Variants in TYW1B observed in about 807,000 individuals in gnomAD.
TYW1B encodes tRNA-yW synthesizing protein 1 homolog B.
Under a neutral mutation model 86.9 loss-of-function variants are expected in TYW1B, and 73 were observed. The ratio of observed to expected loss-of-function variants is 0.84; its 90% CI spans 0.70 to 1.02. TYW1B has a LOEUF of 1.02. Ranked by LOEUF, TYW1B falls within the 50% of genes least tolerant of loss-of-function variation. The probability of loss-of-function intolerance (pLI) is 0.00; values close to 1 mark genes in which losing one functional copy is unlikely to be tolerated. For synonymous variants in TYW1B, 248 were observed against 292.8 expected (o/e 0.85, Z 1.56); for missense variants, 637 against 827.4 (o/e 0.77, Z 2.82).
chr7:72,586,474 C>T lies in TYW1B; in HGVS notation c.1786-10755G>A, dbSNP rs183344645. ...TGTGGGGGCTGGGTTTGGTGGCTCA[C>T]GCCTGTAATCCCAGCACTTTGGGCA... On this transcript the variant is annotated intron_variant, in intron 13 of 13. Transcript: ENST00000620995. Among the ~76,000 whole-genome samples, 25 of 152,236 alleles carry T rather than the reference C, an allele frequency of 1.6e-4. No individual in the cohort carries two copies. The East Asian group carries it at 3.7e-3, about 22-fold the overall frequency.
chr7:72,591,196 A>G (rs1373968711), intron 13 of TYW1B, among the ~76,000 whole-genome samples: 19 of 152,088 alleles, frequency 1.2e-4, no homozygotes, highest in African/African-American at 4.6e-4. Flanking sequence ...TTAAGGGACC[A>G]TGAACACCAT....
intron 9 of TYW1B, among the ~76,000 whole-genome samples, chr7:72,727,591 C>T (rs572213889): frequency 3.3e-5 from 5 of 151,992 alleles, no homozygotes; most frequent in Admixed American, 1.3e-4. Flanking sequence ...CCAAAGCAGG[C>T]GGATGGCTTG....
Position 72,673,847 on chromosome 7 carries a change from A to T in TYW1B, c.1506+20840T>A, listed in dbSNP as rs149953406. 4.6e-3 allele frequency among the ~76,000 whole-genome samples: 697 copies of T among 152,336 alleles called. 7 individuals are homozygous for T. The highest frequency in any genetic ancestry group is 8.4e-3 in the Non-Finnish European group (569 of 68,032). ...TTATTACATATTATATGCCTGTATC[A>T]AAGTATCTCAGGTACCTTATAAATA... On this transcript the variant is annotated intron_variant, in intron 11 of 13. Coordinates refer to ENST00000620995, the MANE Select transcript of TYW1B (RefSeq NM_001145440.3).
intron 11 of TYW1B, among the ~76,000 whole-genome samples, chr7:72,685,246 T>TAA (rs1314929840): frequency 6.8e-6 from 1 of 148,042 alleles, no homozygotes; most frequent in Non-Finnish European, 1.5e-5. Flanking sequence ...GGGAAAACAC[T>TAA]AAAAAAAAAC....
At chr7:72,740,296 A>G (rs1554461849) in intron 8 of TYW1B, among the ~76,000 whole-genome samples, 1 of 151,874 alleles carries the variant, frequency 6.6e-6, no homozygotes, top group Non-Finnish European at 1.5e-5. Flanking sequence ...GCTACTCAGG[A>G]GGCTGAGGCA....
intron 7 of TYW1B, among the ~76,000 whole-genome samples, chr7:72,771,088 G>A (rs1273694066): frequency 2.7e-5 from 4 of 150,262 alleles, no homozygotes; most frequent in Non-Finnish European, 4.4e-5. Flanking sequence ...TCAGCCTCTC[G>A]AATAGCTGGG....
intron 13 of TYW1B, among the ~76,000 whole-genome samples, chr7:72,603,676 T>C (rs1402277354): frequency 9.9e-5 from 15 of 152,156 alleles, no homozygotes. Flanking sequence ...GAGGTCAGCA[T>C]TGTTAGTCAT....
At chr7:72,670,430 A>T (rs1360090147) in intron 11 of TYW1B, among the ~76,000 whole-genome samples, 3 of 152,158 alleles carry the variant, frequency 2.0e-5, no homozygotes, top group Non-Finnish European at 4.4e-5. Context: ...AACTCAAGTG[A>T]TCCACCCGCC....
intron 11 of TYW1B, among the ~76,000 whole-genome samples, chr7:72,639,791 A>G (rs1812760169): frequency 6.6e-6 from 1 of 151,682 alleles, no homozygotes; most frequent in African/African-American, 2.4e-5. Flanking sequence ...ACTTGAACTC[A>G]GGAGGCAGAG....
chr7:72,820,623 G>C (rs2129572915), intron 2 of TYW1B, among the ~76,000 whole-genome samples: 1 of 152,138 alleles, frequency 6.6e-6, no homozygotes, highest in East Asian at 1.9e-4. Flanking sequence ...AAACAAGAGT[G>C]CAGGAGAGGT....
chr7:72,684,973 G>A (rs1813971910), intron 11 of TYW1B, among the ~76,000 whole-genome samples: 1 of 152,036 alleles, frequency 6.6e-6, no homozygotes, highest in Non-Finnish European at 1.5e-5. Context: ...TTAGCCAAGT[G>A]TAATGGCGAG....
At chr7:72,644,826 CTTTTTTTT>C (rs371295909) in intron 11 of TYW1B, among the ~76,000 whole-genome samples, 1 of 119,628 alleles carries the variant, frequency 8.4e-6, no homozygotes, top group African/African-American at 3.3e-5. Context: ...CATGACTTTC[CTTTTTTTT>C]TTTTTTTTTT....
Position 72,700,206 on chromosome 7 carries a change from G to T in TYW1B, c.1371-5384C>A, listed in dbSNP as rs62466862. Among the ~76,000 whole-genome samples, 781 of 105,836 alleles carry T rather than the reference G, an allele frequency of 7.4e-3. 2 individuals carry two copies. The highest frequency in any genetic ancestry group is 9.2e-3 in the Non-Finnish European group (544 of 58,896). 69.4% of individuals were successfully genotyped at this position (105,836 alleles called of 152,430 possible). ...TTTTTTTTTTGTGAGACAGAGTCTC[G>T]CTCTGTCACCCAGGCTGGAGTGCAA... On this transcript the variant is annotated intron_variant, in intron 10 of 13. Transcript: ENST00000620995.
chr7:72,731,010 A>G (rs555578210), intron 8 of TYW1B, among the ~76,000 whole-genome samples: 6 of 151,470 alleles, frequency 4.0e-5, no homozygotes, highest in Admixed American at 3.3e-4. Context: ...TTCTAAAAAC[A>G]GCAATTGAAA....
Position 72,694,753 on chromosome 7 carries a change from G to A in TYW1B, c.1440C>T (p.Ile480=), listed in dbSNP as rs782150621. Residue 480 remains isoleucine, a synonymous_variant, in exon 11 of 14, where the codon ATC becomes ATT. Transcript: ENST00000620995. ...AGAAATCCTTGAAGAGTGGGCGGTCGATTTTCTTCAGGCTGTCTTTGGTAC... is the reference window on the plus strand; with the variant it reads ...AGAAATCCTTGAAGAGTGGGCGGTCAATTTTCTTCAGGCTGTCTTTGGTAC... ...DASTKDSLKK[I]DRPLFKDFWQ... 2.2e-5 allele frequency: 36 copies of A among 1,613,686 alleles called. No homozygotes were observed. The highest frequency in any genetic ancestry group is 2.9e-5 in the Non-Finnish European group (34 of 1,179,948).
chr7:72,815,343 T>G (rs1554479197), intron 3 of TYW1B, 37 bp downstream of exon 3: 1 of 1,538,032 alleles, frequency 6.5e-7, no homozygotes, highest in East Asian at 2.3e-5. Flanking sequence ...TCAGTTAAAT[T>G]TGAGAGTTTT....
At chr7:72,579,387 A>G (rs1353231836) in intron 13 of TYW1B, among the ~76,000 whole-genome samples, 1 of 152,252 alleles carries the variant, frequency 6.6e-6, no homozygotes, top group African/African-American at 2.4e-5. Context: ...ACTAACTGGA[A>G]GACCAAGTAA....
At chr7:72,667,031 C>CAAAAAAAAAAAAAAAAAAA (rs60691255) in intron 11 of TYW1B, among the ~76,000 whole-genome samples, 2 of 42,360 alleles carry the variant, frequency 4.7e-5, no homozygotes, top group African/African-American at 1.1e-4. Context: ...GACTCCGTCT[C>CAAAAAAAAAAAAAAAAAAA]AAAAAAAAAA....
In TYW1B at chr7:72,729,087, T is replaced by C. The variant is rs116907711; in HGVS notation, c.1083-156A>G. Among the ~76,000 whole-genome samples, 305 of 152,328 alleles carry C rather than the reference T, an allele frequency of 2.0e-3. 8 individuals carry two copies. In the East Asian group the frequency reaches 0.049, roughly 25 times the overall value. On this transcript the variant is annotated intron_variant, in intron 8 of 13. Coordinates refer to ENST00000620995, the MANE Select transcript of TYW1B (RefSeq NM_001145440.3). ...TATAGTGGTATTTTCCAACTTATTT[T>C]AAATCGTGACACCCAACAGAGAGGG...
Sources: allele counts gnomAD v4.1 joint callset (sites outside exome capture counted in the v4.1 genomes callset), GRCh38; gene constraint gnomAD v4.1.1; transcripts MANE v1.5; gene names NCBI Gene and HGNC (gene_info 2026-07-23, HGNC 2026-07-21).